The following UBAP1 variants were observed in gnomAD, a reference collection of about 807,000 sequenced individuals.
UBAP1 encodes ubiquitin associated protein 1.
UBAP1 carries 5 observed loss-of-function variants against 39.0 expected under a neutral mutation model. The observed-to-expected ratio is 0.13, with a 90% CI of 0.07 to 0.27. UBAP1 has a LOEUF of 0.27. UBAP1 is among the 10% of genes least tolerant of loss of function. UBAP1 has a pLI of 1.00. For missense variants in UBAP1, 490 were observed against 608.1 expected (o/e 0.81, Z 2.04); for synonymous variants, 211 against 225.1 (o/e 0.94, Z 0.56).
intron 1 of UBAP1, among the ~76,000 whole-genome samples, chr9:34,206,562 T>C (rs570891617): frequency 5.4e-5 from 8 of 149,162 alleles, no homozygotes; most frequent in East Asian, 3.9e-4. Context: ...ACAAAACTTA[T>C]GTATTACAGC....
intron 4 of UBAP1, among the ~76,000 whole-genome samples, chr9:34,247,096 C>G (rs969847450): frequency 2.6e-5 from 4 of 151,964 alleles, no homozygotes; most frequent in Non-Finnish European, 5.9e-5. Flanking sequence ...TCCTAAGAGC[C>G]TTATATATAT....
intron 3 of UBAP1, among the ~76,000 whole-genome samples, chr9:34,237,717 A>G (rs1833774028): frequency 1.3e-5 from 2 of 151,854 alleles, no homozygotes; most frequent in African/African-American, 2.4e-5. Context: ...ATTGGCATGC[A>G]CCACCATGCC....
intron 3 of UBAP1, among the ~76,000 whole-genome samples, chr9:34,237,372 GA>G (rs554206881): frequency 6.0e-4 from 91 of 152,166 alleles, no homozygotes; most frequent in African/African-American, 2.1e-3. Flanking sequence ...CAGCTTTCAG[GA>G]AAAGAAGTTT....
intron 1 of UBAP1, among the ~76,000 whole-genome samples, chr9:34,193,580 G>A (rs2131514974): frequency 6.6e-6 from 1 of 152,224 alleles, no homozygotes; most frequent in South Asian, 2.1e-4. Context: ...CTTCATGTTG[G>A]TGTTCCCACG....
chr9:34,193,468 C>T (rs926948421), intron 1 of UBAP1, among the ~76,000 whole-genome samples: 4 of 152,042 alleles, frequency 2.6e-5, no homozygotes, highest in Non-Finnish European at 5.9e-5. Context: ...GACACCAGCT[C>T]GGTGTTCTCC....
intron 1 of UBAP1, among the ~76,000 whole-genome samples, chr9:34,200,461 G>C (rs1398867130): frequency 2.0e-5 from 3 of 152,130 alleles, no homozygotes; most frequent in African/African-American, 7.2e-5. Flanking sequence ...GTTTGTTAGT[G>C]CTATTACGGT....
intron 2 of UBAP1, among the ~76,000 whole-genome samples, chr9:34,230,057 T>A (rs1833327010): frequency 6.6e-6 from 1 of 152,016 alleles, no homozygotes; most frequent in African/African-American, 2.4e-5. Context: ...TTTAAGAAAA[T>A]TTAGTTGTTA....
chr9:34,233,440 G>A lies in UBAP1; in HGVS notation c.35-776G>A, dbSNP rs956631494. 5.2e-4 allele frequency among the ~76,000 whole-genome samples: 79 copies of A among 151,854 alleles called. 1 individual carries two copies. Among genetic ancestry groups the A allele is most frequent in the South Asian group, 2.1e-4 (1 of 4,814 alleles). On this transcript the variant is annotated intron_variant, in intron 2 of 6. Transcript: ENST00000297661. ...TTTCACCATGTTGGTCAGGCTGGGA[G>A]TAATTCTTTATATTAATTGAAAATG...
At chr9:34,231,679 C>T (rs1187954630) in intron 2 of UBAP1, among the ~76,000 whole-genome samples, 1 of 150,658 alleles carries the variant, frequency 6.6e-6, no homozygotes, top group Non-Finnish European at 1.5e-5. Context: ...GAGTCTCGCT[C>T]TGTCACCCAG....
At chr9:34,195,927 G>GTTTTTTTTTTTTTTTTTTT (rs57040252) in intron 1 of UBAP1, among the ~76,000 whole-genome samples, 1 of 36,144 alleles carries the variant, frequency 2.8e-5, no homozygotes, top group Non-Finnish European at 4.6e-5. Flanking sequence ...AAATTTTTTG[G>GTTTTTTTTTTTTTTTTTTT]TTTTTTTTTT....
rs776060440 is a variant in UBAP1, at chr9:34,249,873, G to A, written c.1178G>A (p.Arg393Gln). ...SELQMLSPSERQCVETVVNMG... is the reference protein window; with the variant it reads ...SELQMLSPSEQQCVETVVNMG... ...CTGCAGATGCTGTCCCCCAGCGAGCGGCAGTGTGTGGAGACGGTGGTCAAC... is the reference window on the plus strand; with the variant it reads ...CTGCAGATGCTGTCCCCCAGCGAGCAGCAGTGTGTGGAGACGGTGGTCAAC... The change falls in exon 5 of 7, where the codon CGG becomes CAG. Residue 393 changes from arginine to glutamine, a missense_variant. Physicochemically the swap from Arg to Gln is conservative, Grantham distance 43 (BLOSUM62 1). This residue lies in a region of UBAP1 where 339 missense variants were observed against 390.0 expected (regional missense o/e 0.87). Coordinates refer to ENST00000297661, the MANE Select transcript of UBAP1 (RefSeq NM_016525.5). The A allele has an allele frequency of 9.3e-6, 15 of 1,614,088 alleles. No individual in the cohort carries two copies. The highest frequency in any genetic ancestry group is 5.3e-5 in the African/African-American group (4 of 74,916).
At chr9:34,202,762 A>G (rs1441846984) in intron 1 of UBAP1, among the ~76,000 whole-genome samples, 1 of 151,638 alleles carries the variant, frequency 6.6e-6, no homozygotes, top group Non-Finnish European at 1.5e-5. Context: ...CCCTCTGCCC[A>G]GTTATTTTAG....
At chr9:34,243,361 G>A (rs186696576) in intron 4 of UBAP1, among the ~76,000 whole-genome samples, 273 of 152,308 alleles carry the variant, frequency 1.8e-3, no homozygotes, top group African/African-American at 6.4e-3. Flanking sequence ...TGACCAGCCT[G>A]ATGATGGGAG....
chr9:34,233,371 A>AC (rs1833530990), intron 2 of UBAP1, among the ~76,000 whole-genome samples: 1 of 151,310 alleles, frequency 6.6e-6, no homozygotes, highest in Non-Finnish European at 1.5e-5. Context: ...ACAGGCATGC[A>AC]CCACCATGCC....
intron 1 of UBAP1, among the ~76,000 whole-genome samples, chr9:34,215,247 ACTG>A (rs778032040): frequency 7.9e-5 from 12 of 151,986 alleles, no homozygotes; most frequent in African/African-American, 2.9e-4. Flanking sequence ...GAATGGATAA[ACTG>A]CTGTGTGTAT....
At chr9:34,203,522 C>T (rs1473417674) in intron 1 of UBAP1, among the ~76,000 whole-genome samples, 1 of 151,994 alleles carries the variant, frequency 6.6e-6, no homozygotes, top group Admixed American at 6.6e-5. Flanking sequence ...TATTTGTCCT[C>T]GTAGTGCATA....
intron 1 of UBAP1, among the ~76,000 whole-genome samples, chr9:34,193,199 A>G (rs540536779): frequency 2.0e-5 from 3 of 152,100 alleles, no homozygotes; most frequent in Admixed American, 2.0e-4. Flanking sequence ...AATCCCAGTT[A>G]CTCAGGGGGG....
intron 2 of UBAP1, among the ~76,000 whole-genome samples, chr9:34,228,012 T>C (rs544189372): frequency 1.3e-5 from 2 of 151,976 alleles, no homozygotes; most frequent in East Asian, 1.9e-4. Context: ...GCCTGTAGTC[T>C]CAGCTACTCA....
At chr9:34,184,886 T>A (rs1830305095) in intron 1 of UBAP1, among the ~76,000 whole-genome samples, 1 of 150,458 alleles carries the variant, frequency 6.6e-6, no homozygotes, top group African/African-American at 2.4e-5. Flanking sequence ...CCTCCCAAAG[T>A]GCTGGGATTA....
Sources: allele counts gnomAD v4.1 joint callset (sites outside exome capture counted in the v4.1 genomes callset), GRCh38; gene constraint gnomAD v4.1.1; regional missense constraint gnomAD v4.1.1; transcripts MANE v1.5; gene names NCBI Gene and HGNC (gene_info 2026-07-23, HGNC 2026-07-21).